LDHC: variants seen among roughly 807,000 people sequenced by gnomAD.
LDHC encodes the protein lactate dehydrogenase C.
A neutral mutation model predicts 30.2 loss-of-function variants in LDHC; 20 were observed. The ratio of observed to expected loss-of-function variants is 0.66; its 90% CI spans 0.47 to 0.96. The LOEUF (loss-of-function observed/expected upper bound fraction) is 0.96, where lower values mean the gene tolerates loss of function less well. Among genes scored for constraint, LDHC ranks in the 40% least tolerant of loss-of-function variants. The pLI, the probability that LDHC is intolerant of heterozygous loss-of-function variation, is 0.00. For missense variants in LDHC, 362 were observed against 394.9 expected, an observed-to-expected ratio of 0.92 and a Z score of 0.71; for synonymous variants, 139 against 132.7, an observed-to-expected ratio of 1.05 and a Z score of -0.32.
chr11:18,415,879 G>A (rs1453943059), intron 3 of LDHC, among the ~76,000 whole-genome samples: 1 of 152,012 alleles, frequency 6.6e-6, no homozygotes, highest in African/African-American at 2.4e-5. Flanking sequence ...TTTTAGTAGA[G>A]ATGGGGTTTC....
At chr11:18,446,959 A>C (rs1376269333) in intron 7 of LDHC, among the ~76,000 whole-genome samples, 1 of 152,208 alleles carries the variant, frequency 6.6e-6, no homozygotes, top group Non-Finnish European at 1.5e-5. Context: ...AGTAAAGATC[A>C]AGTACCAAGG....
chr11:18,439,811 T>TCAAA (rs1848426202), intron 6 of LDHC, among the ~76,000 whole-genome samples: 1 of 64,192 alleles, frequency 1.6e-5, no homozygotes, highest in Non-Finnish European at 2.7e-5. Context: ...CCGTCTCTAC[T>TCAAA]AAAAAAAAAA....
At position 18,434,862 on chromosome 11, in the gene LDHC, C is replaced by T. The variant is rs1380888967; in HGVS notation, c.541C>T (p.His181Tyr). ...CCTAATTGGAGAAAAGTTGGGTGTC[C>T]ACCCCACAAGCTGCCATGGTTGGAT... ...RYLIGEKLGVHPTSCHGWIIG... is the reference protein window; with the variant it reads ...RYLIGEKLGVYPTSCHGWIIG... Residue 181 changes from histidine (H) to tyrosine (Y), a missense_variant, in exon 5 of 8, where the codon CAC becomes TAC. His to Tyr is a moderately conservative substitution (Grantham distance 83). Transcript: ENST00000541669. 1 of 1,613,288 alleles carries T rather than the reference C, an allele frequency of 6.2e-7. No homozygotes were observed. The highest frequency in any genetic ancestry group is 1.7e-5 in the Admixed American group (1 of 60,020).
chr11:18,444,645 T>C (rs12799374), intron 6 of LDHC, among the ~76,000 whole-genome samples: 16,353 of 120,480 alleles, frequency 0.14, 1,622 homozygotes, highest in African/African-American at 0.27. Context: ...TATATATATA[T>C]ATATGCCTTA....
rs1242259839 is a variant in LDHC, at chr11:18,434,834, T to C, written c.513T>C (p.Arg171=). The C allele has an allele frequency of 6.2e-7, 1 of 1,612,888 alleles. No homozygotes were observed. The change falls in exon 5 of 8, where the codon CGT becomes CGC. Residue 171 remains arginine, a synonymous_variant. Transcript: ENST00000541669. ...SGCNLDSARF[R]YLIGEKLGVH... is the part of the protein sequence containing the mutation. ...GTAATCTAGACTCTGCCCGTTTCCG[T>C]TACCTAATTGGAGAAAAGTTGGGTG...
At chr11:18,420,605 A>T (rs1183313610) in intron 3 of LDHC, among the ~76,000 whole-genome samples, 1 of 142,222 alleles carries the variant, frequency 7.0e-6, no homozygotes, top group Non-Finnish European at 1.5e-5. Context: ...GATCACTTTG[A>T]GACCAGCCTG....
chr11:18,450,518 C>G (rs963812224), intron 7 of LDHC: 1 of 156,954 alleles, frequency 6.4e-6, no homozygotes, highest in African/African-American at 2.4e-5. Flanking sequence ...ACCCATTGTC[C>G]AAACTCAATG....
intron 6 of LDHC, among the ~76,000 whole-genome samples, chr11:18,439,059 T>C (rs1240424524): frequency 6.6e-6 from 1 of 152,218 alleles, no homozygotes; most frequent in Non-Finnish European, 1.5e-5. Context: ...AAGTTAATAC[T>C]ACATGTAAAA....
chr11:18,426,058 G>C (rs1005169223), intron 3 of LDHC, among the ~76,000 whole-genome samples: 5 of 150,470 alleles, frequency 3.3e-5, no homozygotes, highest in African/African-American at 1.2e-4. Context: ...TTTTAGTTTA[G>C]AGATGGCTGT....
chr11:18,434,121 A>G (rs1015172719), intron 4 of LDHC, among the ~76,000 whole-genome samples: 6 of 151,972 alleles, frequency 3.9e-5, no homozygotes, highest in Non-Finnish European at 4.4e-5. Flanking sequence ...AGCATTTCAC[A>G]TATCTAAAAG....
At chr11:18,434,985 T>C in intron 5 of LDHC, 72 bp downstream of exon 5, 2 of 1,043,944 alleles carry the variant, frequency 1.9e-6, no homozygotes, top group South Asian at 3.9e-5. Context: ...CTTTAAAGTT[T>C]TTTCCCTGAT....
intron 3 of LDHC, among the ~76,000 whole-genome samples, chr11:18,424,524 C>G (rs1324121574): frequency 6.6e-6 from 1 of 152,094 alleles, no homozygotes; most frequent in African/African-American, 2.4e-5. Flanking sequence ...TGTACAAGAA[C>G]GTATTGTAGT....
At chr11:18,439,133 A>AT (rs535006712) in intron 6 of LDHC, among the ~76,000 whole-genome samples, 118 of 152,336 alleles carry the variant, frequency 7.7e-4, no homozygotes, top group African/African-American at 2.7e-3. Context: ...CATTAAGCTA[A>AT]TGCAGATGAT....
At chr11:18,431,119 C>CA (rs112931324) in intron 4 of LDHC, among the ~76,000 whole-genome samples, 2,433 of 128,600 alleles carry the variant, frequency 0.019, 59 homozygotes, top group African/African-American at 0.058. Context: ...AACCTTGTCT[C>CA]AAAAAAAAAA....
At chr11:18,419,782 T>C (rs896966410) in intron 3 of LDHC, among the ~76,000 whole-genome samples, 26 of 152,038 alleles carry the variant, frequency 1.7e-4, no homozygotes, top group Non-Finnish European at 3.5e-4. Context: ...GAACAAAATA[T>C]AACTTATAAA....
In LDHC at chr11:18,419,891, A is replaced by G. The variant is rs114643264; in HGVS notation, c.244+4590A>G. On this transcript the variant is annotated intron_variant, in intron 3 of 7. Transcript: ENST00000541669. ...TGGATTGGTTGAGGTCAGGAGTTGG[A>G]GATCAGCTTGGCCAACATGGTGAAA... is the stretch of plus-strand genomic sequence containing the variant. 3.7e-3 allele frequency among the ~76,000 whole-genome samples: 556 copies of G among 152,260 alleles called. 8 individuals carry two copies. The highest frequency in any genetic ancestry group is 0.013 in the African/African-American group (538 of 41,524).
chr11:18,423,967 A>G (rs1447925725), intron 3 of LDHC, among the ~76,000 whole-genome samples: 3 of 152,176 alleles, frequency 2.0e-5, no homozygotes, highest in African/African-American at 7.2e-5. Flanking sequence ...GAAAATAAAA[A>G]CCATATCAAT....
chr11:18,450,042 CT>C (rs111604754), intron 7 of LDHC: 2,632 of 141,820 alleles, frequency 0.019, 50 homozygotes, highest in African/African-American at 0.052. Flanking sequence ...TACTGGGTGT[CT>C]TTTTTTTTTT....
chr11:18,443,782 C>A (rs951481515), intron 6 of LDHC, among the ~76,000 whole-genome samples: 2 of 152,242 alleles, frequency 1.3e-5, no homozygotes, highest in African/African-American at 2.4e-5. Flanking sequence ...ATTTGAGACA[C>A]TTGCTTTAAG....
Sources: allele counts gnomAD v4.1 joint callset (sites outside exome capture counted in the v4.1 genomes callset), GRCh38; gene constraint gnomAD v4.1.1; transcripts MANE v1.5; gene names NCBI Gene and HGNC (gene_info 2026-07-23, HGNC 2026-07-21).